Variants in NUDT21 observed in about 807,000 individuals in gnomAD.
The protein encoded by NUDT21 is nudix hydrolase 21, also known as cleavage and polyadenylation specificity factor subunit 5.
Under a neutral mutation model 29.8 loss-of-function variants are expected in NUDT21, and 5 were observed. The ratio of observed to expected loss-of-function variants is 0.17; its 90% CI spans 0.09 to 0.35. The LOEUF (loss-of-function observed/expected upper bound fraction) is 0.35, where lower values mean the gene tolerates loss of function less well. Ranked by LOEUF, NUDT21 falls within the 10% of genes least tolerant of loss-of-function variation. NUDT21 has a pLI of 1.00. For missense variants in NUDT21, 76 were observed against 276.0 expected (o/e 0.28, Z 5.13); for synonymous variants, 113 against 98.5 (o/e 1.15, Z -0.87).
intron 5 of NUDT21, 24 bp downstream of exon 5, chr16:56,434,730 A>C: frequency 4.2e-6 from 6 of 1,435,560 alleles, no homozygotes; most frequent in Non-Finnish European, 5.9e-6. Flanking sequence ...TTAGATGGCT[A>C]CCTTTGAAAA....
chr16:56,439,419 A>C (rs1017958628), intron 4 of NUDT21: 1 of 424,858 alleles, frequency 2.4e-6, no homozygotes, highest in Non-Finnish European at 4.3e-6. Flanking sequence ...CAGGTGATCC[A>C]CCCGCCTCGG....
At chr16:56,445,718 A>G in intron 3 of NUDT21, among the ~76,000 whole-genome samples, 1 of 152,138 alleles carries the variant, frequency 6.6e-6, no homozygotes. Context: ...GTTTCTGCTA[A>G]GTTAGTTATA....
intron 5 of NUDT21, 25 bp from the exon 6 acceptor site, chr16:56,434,470 T>A: frequency 8.0e-7 from 1 of 1,242,908 alleles, no homozygotes; most frequent in Non-Finnish European, 1.2e-6. Context: ...AATTCATTAT[T>A]ATAAGTTATT....
chr16:56,446,543 A>T, intron 3 of NUDT21, 83 bp downstream of exon 3: 1 of 720,286 alleles, frequency 1.4e-6, no homozygotes, highest in Non-Finnish European at 2.4e-6. Context: ...AAATATTCCA[A>T]AATAAGCATC....
In NUDT21 at chr16:56,429,448, C is replaced by T. The variant is rs1396492354; in HGVS notation, c.*3264G>A. ...TGATCCATTACTAAGATACAAAATA[C>T]ACCTGAACTGGCCTAATCTAGAGTT... is the stretch of plus-strand genomic sequence containing the variant. On this transcript the variant is annotated 3_prime_UTR_variant, in exon 7 of 7. Coordinates refer to ENST00000300291, the MANE Select transcript of NUDT21 (RefSeq NM_007006.3). 1.3e-5 allele frequency: 2 copies of T among 152,150 alleles called. No individual in the cohort carries two copies. Among genetic ancestry groups the T allele is most frequent in the South Asian group, 2.1e-4 (1 of 4,834 alleles). The allele number at this position is 152,150 out of a possible 1,614,324, so 9.4% of individuals were successfully genotyped here.
At position 56,447,535 on chromosome 16, in the gene NUDT21, C is replaced by G. The variant is rs976957250; in HGVS notation, c.317+254G>C. On this transcript the variant is annotated intron_variant, in intron 2 of 6. Coordinates refer to ENST00000300291, the MANE Select transcript of NUDT21 (RefSeq NM_007006.3). ...GACATCTAGACATTGATCTTGGACTCAACTATTCCATGGGGTTTCTACCAA... is the reference window on the plus strand; with the variant it reads ...GACATCTAGACATTGATCTTGGACTGAACTATTCCATGGGGTTTCTACCAA... The G allele has an allele frequency of 4.9e-5, 23 of 467,154 alleles. 1 individual carries two copies. The highest frequency in any genetic ancestry group is 9.0e-5 in the Non-Finnish European group (23 of 255,940). The allele number at this position is 467,154 out of a possible 1,614,324, so 28.9% of individuals were successfully genotyped here. A position where few individuals can be genotyped will look rare whatever the true frequency, so the allele number is the denominator to read the frequency against.
At chr16:56,450,809 G>A (rs1448377504) in intron 1 of NUDT21, among the ~76,000 whole-genome samples, 2 of 152,220 alleles carry the variant, frequency 1.3e-5, no homozygotes, top group African/African-American at 2.4e-5. Context: ...CCTCTGGAGA[G>A]GTGGGGAAAG....
chr16:56,439,545 G>A (rs1962138495), intron 4 of NUDT21, 112 bp downstream of exon 4: 1 of 765,154 alleles, frequency 1.3e-6, no homozygotes, highest in Admixed American at 2.1e-5. Flanking sequence ...AAATTAAGGA[G>A]GGAAGAAAAG....
chr16:56,441,415 A>G (rs1466367704), intron 3 of NUDT21, among the ~76,000 whole-genome samples: 1 of 151,700 alleles, frequency 6.6e-6, no homozygotes, highest in Non-Finnish European at 1.5e-5. Flanking sequence ...TTGTATTTTT[A>G]GTAGAGACAG....
At chr16:56,435,594 C>T (rs1156670061) in intron 4 of NUDT21, among the ~76,000 whole-genome samples, 4 of 146,948 alleles carry the variant, frequency 2.7e-5, no homozygotes, top group East Asian at 2.1e-4. Context: ...GGCGTGGTGG[C>T]GGGCGCCTGT....
chr16:56,445,846 C>CA (rs544461928), intron 3 of NUDT21, among the ~76,000 whole-genome samples: 50 of 152,220 alleles, frequency 3.3e-4, no homozygotes, highest in African/African-American at 1.2e-3. Context: ...AATGGAAGTC[C>CA]AAGCACAGGA....
chr16:56,442,864 T>C (rs771762311), intron 3 of NUDT21, among the ~76,000 whole-genome samples: 1 of 152,216 alleles, frequency 6.6e-6, no homozygotes, highest in Non-Finnish European at 1.5e-5. Flanking sequence ...CTCTTAACTC[T>C]TTACTGAATT....
chr16:56,432,840 G>T, intron 6 of NUDT21, 107 bp from the exon 7 acceptor site: 1 of 798,360 alleles, frequency 1.3e-6, no homozygotes, highest in Non-Finnish European at 1.9e-6. Context: ...AGCATGTCTG[G>T]CATTTTCTTT....
chr16:56,444,600 C>CA (rs1245484732), intron 3 of NUDT21, among the ~76,000 whole-genome samples: 434 of 38,426 alleles, frequency 0.011, 2 homozygotes, highest in East Asian at 0.015. Flanking sequence ...AACTCCGCCT[C>CA]AAAAAAAAAA....
intron 1 of NUDT21, among the ~76,000 whole-genome samples, chr16:56,448,682 C>A (rs1161017978): frequency 6.6e-6 from 1 of 152,168 alleles, no homozygotes; most frequent in East Asian, 1.9e-4. Flanking sequence ...AAATATGGCT[C>A]AAACTGTTAA....
At chr16:56,449,682 G>T (rs1288686444) in intron 1 of NUDT21, among the ~76,000 whole-genome samples, 1 of 152,098 alleles carries the variant, frequency 6.6e-6, no homozygotes, top group South Asian at 2.1e-4. Flanking sequence ...AAAGACTGTG[G>T]GTTTTAGTTC....
rs771374020 is a variant in NUDT21 at position 56,447,836 on chromosome 16, C to T, written c.270G>A (p.Arg90=). The T allele has an allele frequency of 2.5e-6, 4 of 1,613,942 alleles. No homozygotes were observed. The highest frequency in any genetic ancestry group is 3.4e-6 in the Non-Finnish European group (4 of 1,179,936). ...VEGVLIVHEH[R]LPHVLLLQLG... is the part of the protein sequence containing the mutation. ...GCTGCAGCAGTAACACATGGGGTAGCCGGTGCTCATGTACAATCAGAACCC... is the reference window on the plus strand; with the variant it reads ...GCTGCAGCAGTAACACATGGGGTAGTCGGTGCTCATGTACAATCAGAACCC... The change falls in exon 2 of 7, where the codon CGG becomes CGA. Residue 90 remains arginine, a synonymous_variant. Transcript: ENST00000300291.
intron 3 of NUDT21, among the ~76,000 whole-genome samples, chr16:56,442,520 C>T (rs781662706): frequency 2.8e-4 from 42 of 152,314 alleles, no homozygotes; most frequent in Non-Finnish European, 5.1e-4. Context: ...AACCTCTCTG[C>T]TTACCAATCC....
Position 56,451,285 on chromosome 16 carries a change from T to C in NUDT21, c.-83A>G. 1 of 1,078,746 alleles carries C rather than the reference T, an allele frequency of 9.3e-7. No individual in the cohort carries two copies. Among genetic ancestry groups the C allele is most frequent in the Non-Finnish European group, 1.4e-6 (1 of 739,566 alleles). The allele number at this position is 1,078,746 out of a possible 1,614,324, so 66.8% of individuals were successfully genotyped here. A position where few individuals can be genotyped will look rare whatever the true frequency, so the allele number is the denominator to read the frequency against. On this transcript the variant is annotated 5_prime_UTR_variant, in exon 1 of 7. Transcript: ENST00000300291. The stretch of plus-strand genomic sequence containing the variant: ...CCGTGCGGGAAGCGGTTATCTGCAA[T>C]CCCCTCAGCGGCTACTGCCCGCCAT...
Sources: gnomAD v4.1 joint callset for allele counts (sites outside exome capture counted in the v4.1 genomes callset) on GRCh38, gnomAD v4.1.1 for gene constraint, MANE v1.5 for transcripts, NCBI Gene and HGNC (gene_info 2026-07-23, HGNC 2026-07-21) for gene names.